Variants in RPGRIP1 observed in about 807,000 individuals in gnomAD.
RPGRIP1 encodes X-linked retinitis pigmentosa GTPase regulator-interacting protein 1.
RPGRIP1 carries 128 observed loss-of-function variants against 157.9 expected under a neutral mutation model. The observed-to-expected ratio is 0.81, with a 90% CI of 0.70 to 0.94. The LOEUF (loss-of-function observed/expected upper bound fraction) is 0.94. Ranked by LOEUF, RPGRIP1 falls within the 40% of genes least tolerant of loss-of-function variation. The pLI is 0.00. For synonymous variants in RPGRIP1, 554 were observed against 571.6 expected (o/e 0.97, Z 0.44); for missense variants, 1,486 against 1,545.8 (o/e 0.96, Z 0.65).
intron 23 of RPGRIP1, 131 bp downstream of exon 23, chr14:21,345,328 C>A: frequency 1.6e-6 from 1 of 621,136 alleles, no homozygotes. Context: ...AATGAATTTC[C>A]TATGTACTTG....
Position 21,303,198 on chromosome 14 carries a change from G to A in RPGRIP1, c.588-133G>A, listed in dbSNP as rs752239281. 145 of 659,764 alleles carry A rather than the reference G, an allele frequency of 2.2e-4. 1 individual carries two copies. Among genetic ancestry groups the A allele is most frequent in the Non-Finnish European group, 3.2e-4 (124 of 392,116 alleles). The allele number at this position is 659,764 out of a possible 1,614,324, so 40.9% of individuals were successfully genotyped here. ...TTCCTTTATGTTTTGTTTGACATTT[G>A]AAAGCTGTATTTTATAAGATTTTCC... On this transcript the variant is annotated intron_variant, in intron 5 of 24. Coordinates refer to ENST00000400017, the MANE Select transcript of RPGRIP1 (RefSeq NM_020366.4).
chr14:21,288,471 G>A (rs1880386034), intron 2 of RPGRIP1, among the ~76,000 whole-genome samples: 4 of 150,314 alleles, frequency 2.7e-5, no homozygotes, highest in Non-Finnish European at 5.9e-5. Flanking sequence ...GTGAGCCACT[G>A]TGCCTGGCCC....
At chr14:21,297,880 T>TCTTTCTTTCTTTCTTTCTTTCTTTC (rs1555365051) in intron 3 of RPGRIP1, among the ~76,000 whole-genome samples, 3 of 149,740 alleles carry the variant, frequency 2.0e-5, no homozygotes, top group African/African-American at 5.0e-5. Flanking sequence ...TTTCTTTCTT[T>TCTTTCTTTCTTTCTTTCTTTCTTTC]TTTTTGAGAT....
At chr14:21,301,666 ACT>A (rs1323083623) in intron 4 of RPGRIP1, among the ~76,000 whole-genome samples, 3 of 143,296 alleles carry the variant, frequency 2.1e-5, no homozygotes, top group African/African-American at 7.8e-5. Flanking sequence ...ACAGAGCGAG[ACT>A]CTGTCTCAAA....
rs576270075 is a variant in RPGRIP1, at chr14:21,324,675, T to A, written c.1820T>A (p.Leu607Gln). 17 of 1,614,042 alleles carry A rather than the reference T, an allele frequency of 1.1e-5. 1 individual carries two copies. In the South Asian group the frequency reaches 1.5e-4, roughly 15 times the overall value. The change falls in exon 15 of 25, where the codon CTG becomes CAG. Residue 607 changes from leucine to glutamine, a missense_variant. Physicochemically the swap from Leu to Gln is moderately radical, Grantham distance 113. Coordinates refer to ENST00000400017, the MANE Select transcript of RPGRIP1 (RefSeq NM_020366.4). ...TRPLSLCLETLPAHGDEDKVD... is the reference protein window; with the variant it reads ...TRPLSLCLETQPAHGDEDKVD... Reference sequence around the variant, plus strand: ...CCGTTGTCGTTATGTTTGGAAACACTGCCAGCCCATGGAGATGAGGATAAA... The same window carrying A: ...CCGTTGTCGTTATGTTTGGAAACACAGCCAGCCCATGGAGATGAGGATAAA...
At chr14:21,308,085 G>A (rs1881392514) in intron 7 of RPGRIP1, among the ~76,000 whole-genome samples, 1 of 152,224 alleles carries the variant, frequency 6.6e-6, no homozygotes, top group African/African-American at 2.4e-5. Context: ...GTGAAATAAA[G>A]TGGAGTTAAC....
rs142176731 is a variant in RPGRIP1, at chr14:21,289,041, T to C, written c.85+980T>C. On this transcript the variant is annotated intron_variant, in intron 2 of 24. Coordinates refer to ENST00000400017, the MANE Select transcript of RPGRIP1 (RefSeq NM_020366.4). ...TCTTCCACACATTATTTAAGATATCTTTAGGGCTGGGCGCAGTGGCTCATG... is the reference window on the plus strand; with the variant it reads ...TCTTCCACACATTATTTAAGATATCCTTAGGGCTGGGCGCAGTGGCTCATG... 4.9e-3 allele frequency among the ~76,000 whole-genome samples: 745 copies of C among 152,156 alleles called. 7 individuals carry two copies. The highest frequency in any genetic ancestry group is 0.017 in the African/African-American group (696 of 41,556).
chr14:21,304,124 C>G (rs1207042302), intron 6 of RPGRIP1, among the ~76,000 whole-genome samples: 1 of 151,616 alleles, frequency 6.6e-6, no homozygotes, highest in Non-Finnish European at 1.5e-5. Flanking sequence ...ACCAGCCTGG[C>G]CAACGTGGTG....
intron 17 of RPGRIP1, 47 bp from the exon 18 acceptor site, chr14:21,327,576 G>A: frequency 6.5e-7 from 1 of 1,534,202 alleles, no homozygotes; most frequent in Non-Finnish European, 9.0e-7. Context: ...ATGCTCACTT[G>A]CTTATTTCAT....
Position 21,328,537 on chromosome 14 carries a change from A to G in RPGRIP1, c.3009A>G (p.Ser1003=). The change falls in exon 19 of 25, where the codon TCA becomes TCG. Residue 1003 remains serine, a synonymous_variant. Coordinates refer to ENST00000400017, the MANE Select transcript of RPGRIP1 (RefSeq NM_020366.4). ...KEKEHQVVSY[S]RRKHGKRIGV... ...AGGAGCACCAGGTTGTGAGCTACTCAAGAAGAAAACATGGCAAAAGAATAG... is the reference window on the plus strand; with the variant it reads ...AGGAGCACCAGGTTGTGAGCTACTCGAGAAGAAAACATGGCAAAAGAATAG... 6.2e-7 allele frequency: 1 copy of G among 1,613,820 alleles called. No individual in the cohort carries two copies. Among genetic ancestry groups the G allele is most frequent in the South Asian group, 1.1e-5 (1 of 91,082 alleles).
At chr14:21,319,876 G>A (rs753609896) in intron 11 of RPGRIP1, 141 bp from the exon 12 acceptor site, 31 of 861,230 alleles carry the variant, frequency 3.6e-5, no homozygotes, top group Non-Finnish European at 5.3e-5. Flanking sequence ...GTCCTCCTCT[G>A]TAGAAATAAT....
intron 24 of RPGRIP1, among the ~76,000 whole-genome samples, chr14:21,350,098 A>C (rs886980957): frequency 7.2e-5 from 11 of 152,176 alleles, no homozygotes; most frequent in African/African-American, 2.7e-4. Context: ...ATTAAAGGCC[A>C]GGCGAGGTGG....
rs776209585 is a variant in RPGRIP1 at position 21,348,266 on chromosome 14, G to C, written c.3712G>C (p.Glu1238Gln). The change falls in exon 24 of 25, where the codon GAG (glutamate) becomes CAG (glutamine). Residue 1238 changes from glutamate (E) to glutamine (Q), a missense_variant. Physicochemically the swap from Glu to Gln is conservative, Grantham distance 29 (BLOSUM62 2). Coordinates refer to ENST00000400017, the MANE Select transcript of RPGRIP1 (RefSeq NM_020366.4). ...YAYLQLWQIL[E>Q]SGRDILEQEL... The stretch of plus-strand genomic sequence containing the variant: ...ATATCTTCAACTGTGGCAGATCCTG[G>C]AGTCAGGAAGAGATATTCTAGAGCA... 5.0e-6 allele frequency: 8 copies of C among 1,587,314 alleles called. No individual in the cohort carries two copies. The South Asian group carries it at 8.2e-5, about 16-fold the overall frequency.
At chr14:21,292,476 A>G (rs992305756) in intron 2 of RPGRIP1, among the ~76,000 whole-genome samples, 4 of 152,110 alleles carry the variant, frequency 2.6e-5, no homozygotes, top group Non-Finnish European at 5.9e-5. Context: ...ATCTCAGCAC[A>G]TTGGGAGGCC....
intron 3 of RPGRIP1, 29 bp from the exon 4 acceptor site, chr14:21,300,937 G>A (rs368111522): frequency 1.9e-5 from 30 of 1,605,122 alleles, no homozygotes; most frequent in Non-Finnish European, 2.5e-5. Flanking sequence ...GTCATGAAAG[G>A]AGAAGCCACG....
At chr14:21,289,529 A>G (rs886439097) in intron 2 of RPGRIP1, among the ~76,000 whole-genome samples, 1 of 152,146 alleles carries the variant, frequency 6.6e-6, no homozygotes, top group African/African-American at 2.4e-5. Context: ...CCCATCCCTC[A>G]ATCCCAATCA....
At chr14:21,346,781 C>T (rs1885614831) in intron 23 of RPGRIP1, among the ~76,000 whole-genome samples, 1 of 152,230 alleles carries the variant, frequency 6.6e-6, no homozygotes, top group African/African-American at 2.4e-5. Flanking sequence ...AAGCAGTCCT[C>T]CTGCCCTGCC....
chr14:21,301,148 C>T lies in RPGRIP1; in HGVS notation c.401C>T (p.Ala134Val). The stretch of plus-strand genomic sequence containing the variant: ...GGGCATTTCCACTGCGTCGGCCCTG[C>T]CAGCCCCCGCCGCGCCCAGCCTCGC... ...LQGHFHCVGPASPRRAQPRVQ... is the reference protein window; with the variant it reads ...LQGHFHCVGPVSPRRAQPRVQ... Residue 134 changes from alanine (A) to valine (V), a missense_variant, in exon 4 of 25, where the codon GCC becomes GTC. By Grantham distance (64) the Ala-to-Val change is moderately conservative (BLOSUM62 0). Coordinates refer to ENST00000400017, the MANE Select transcript of RPGRIP1 (RefSeq NM_020366.4). 1 of 1,593,494 alleles carries T rather than the reference C, an allele frequency of 6.3e-7. No individual in the cohort carries two copies. The highest frequency in any genetic ancestry group is 8.5e-7 in the Non-Finnish European group (1 of 1,170,298).
chr14:21,303,470 A>C lies in RPGRIP1; in HGVS notation c.727A>C (p.Lys243Gln). Reference sequence around the variant, plus strand: ...GGAAGAGCCACCCAAGTCTCCTGAGAAAATGTGGCCTAAAGATGAAAATTT... The same window carrying C: ...GGAAGAGCCACCCAAGTCTCCTGAGCAAATGTGGCCTAAAGATGAAAATTT... ...QVEEPPKSPEKMWPKDENFEQ... is the reference protein window; with the variant it reads ...QVEEPPKSPEQMWPKDENFEQ... Residue 243 changes from lysine to glutamine, a missense_variant, in exon 6 of 25, where the codon AAA becomes CAA. Lys to Gln is a moderately conservative substitution (Grantham distance 53, BLOSUM62 1). Transcript: ENST00000400017. The C allele has an allele frequency of 6.2e-7, 1 of 1,613,976 alleles. No individual in the cohort carries two copies. Among genetic ancestry groups the C allele is most frequent in the Non-Finnish European group, 8.5e-7 (1 of 1,179,890 alleles).
Sources: gnomAD v4.1 joint callset for allele counts (sites outside exome capture counted in the v4.1 genomes callset) on GRCh38, gnomAD v4.1.1 for gene constraint, MANE v1.5 for transcripts, NCBI Gene and HGNC (gene_info 2026-07-23, HGNC 2026-07-21) for gene names.